The following NCOR2 variants were observed in gnomAD, a reference collection of about 807,000 sequenced individuals.
NCOR2 encodes the protein nuclear receptor corepressor 2.
In NCOR2, 81 loss-of-function variants were observed where a neutral mutation model predicts 262.9. That is an observed-to-expected ratio of 0.31 (90% CI 0.26 to 0.37). The LOEUF (loss-of-function observed/expected upper bound fraction) is 0.37, where lower values mean the gene tolerates loss of function less well. NCOR2 is among the 10% of genes least tolerant of loss of function. The pLI is 1.00. For missense variants in NCOR2, 3,385 were observed against 3,621.4 expected (o/e 0.93, Z 1.68); for synonymous variants, 1,659 against 1,559.3 (o/e 1.06, Z -1.51).
intron 11 of NCOR2, among the ~76,000 whole-genome samples, 171 bp downstream of exon 13, chr12:124,426,451 C>A (rs1028252204): frequency 1.3e-5 from 2 of 152,168 alleles, no homozygotes; most frequent in African/African-American, 4.8e-5. Flanking sequence ...ACCAACCCCA[C>A]GAAACACCAG....
At chr12:124,475,881 T>G (rs2047077423) in intron 3 of NCOR2, among the ~76,000 whole-genome samples, 1 of 152,084 alleles carries the variant, frequency 6.6e-6, no homozygotes, top group Admixed American at 6.5e-5. Flanking sequence ...ATGTGGGGAC[T>G]CCACGTGGGG....
At chr12:124,368,076 A>G (rs1331958117) in intron 20 of NCOR2, among the ~76,000 whole-genome samples, 1 of 152,182 alleles carries the variant, frequency 6.6e-6, no homozygotes, top group Non-Finnish European at 1.5e-5. Flanking sequence ...AGTTGCGAGC[A>G]AAGGCTCGGA....
rs202018365 is a variant in NCOR2, at chr12:124,378,347, G to A, written c.2057C>T (p.Ala686Val). Residue 686 changes from alanine (A) to valine (V), a missense_variant, in exon 18 of 47, where the codon GCG becomes GTG. Physicochemically the swap from Ala to Val is moderately conservative, Grantham distance 64. This residue lies in a region of NCOR2 where 515 missense variants were observed against 781.2 expected (regional missense o/e 0.66). Coordinates refer to ENST00000405201, the Ensembl canonical transcript of NCOR2. This position sits in a 1 kb window ranked among gnomAD's most constrained non-coding sequence, Gnocchi z 4.2. ...AGCCTCCTCGCTGGCCGCCGCCGGC[G>A]CTTTCTTCTTCTTCCTCCGCGCGTT... The A allele has an allele frequency of 1.9e-5, 30 of 1,613,688 alleles. No individual in the cohort carries two copies. Among genetic ancestry groups the A allele is most frequent in the Middle Eastern group, 1.7e-4 (1 of 6,056 alleles).
intron 1 of NCOR2, among the ~76,000 whole-genome samples, chr12:124,526,082 G>T (rs1259530905): frequency 6.6e-6 from 1 of 152,182 alleles, no homozygotes; most frequent in East Asian, 1.9e-4. Flanking sequence ...CCTGTTTGAA[G>T]CATGTACACA....
At chr12:124,415,556 C>T (rs892338830) in intron 13 of NCOR2, among the ~76,000 whole-genome samples, 2 of 152,248 alleles carry the variant, frequency 1.3e-5, no homozygotes, top group African/African-American at 2.4e-5. Context: ...CCTTAGCAAA[C>T]GCAGCTGATC....
At chr12:124,476,902 T>TAAAA (rs60593594) in intron 3 of NCOR2, among the ~76,000 whole-genome samples, 2 of 142,502 alleles carry the variant, frequency 1.4e-5, no homozygotes, top group East Asian at 4.1e-4. Context: ...CCATCTTTAT[T>TAAAA]AAAAAAAAAA....
intron 5 of NCOR2, among the ~76,000 whole-genome samples, chr12:124,461,214 G>A (rs984500206): frequency 7.9e-5 from 12 of 152,254 alleles, no homozygotes; most frequent in African/African-American, 2.7e-4. Context: ...TTTGGGGGCC[G>A]AGGTCTCTGC....
At chr12:124,347,062 A>C (rs2036991118) in intron 30 of NCOR2, among the ~76,000 whole-genome samples, 1 of 152,236 alleles carries the variant, frequency 6.6e-6, no homozygotes, top group South Asian at 2.1e-4. Flanking sequence ...CGGGAACACT[A>C]TGAAATCATG....
chr12:124,547,878 T>TA (rs1294249344), intron 1 of NCOR2, among the ~76,000 whole-genome samples: 1 of 152,208 alleles, frequency 6.6e-6, no homozygotes, highest in Non-Finnish European at 1.5e-5. Context: ...TATTCCATTG[T>TA]ATGGAGAGAC....
At chr12:124,442,842 A>G (rs759253941) in intron 7 of NCOR2, among the ~76,000 whole-genome samples, 3 of 152,210 alleles carry the variant, frequency 2.0e-5, no homozygotes, top group African/African-American at 7.2e-5. Context: ...CCCTAATCCA[A>G]TGACTTATGA....
chr12:124,481,472 C>A lies in NCOR2; in HGVS notation c.411+2124G>T, dbSNP rs1177641932. Among the ~76,000 whole-genome samples, 1 of 152,150 alleles carries A rather than the reference C, an allele frequency of 6.6e-6. No homozygotes were observed. Among genetic ancestry groups the A allele is most frequent in the African/African-American group, 2.4e-5 (1 of 41,432 alleles). ...AGTCCCCACAGGGCTAGCCACAGGT[C>A]TCCCCTGCCATGCAGGCCCTGGAGG... On this transcript the variant is annotated intron_variant, in intron 3 of 46. Transcript: ENST00000405201. This position sits in a 1 kb window ranked among gnomAD's most constrained non-coding sequence, Gnocchi z 4.6.
chr12:124,366,240 G>A (rs149916122), intron 20 of NCOR2, among the ~76,000 whole-genome samples: 201 of 152,226 alleles, frequency 1.3e-3, no homozygotes, highest in Non-Finnish European at 2.2e-3. Context: ...CTGTCCGCAC[G>A]ATGGAACACA....
intron 3 of NCOR2, among the ~76,000 whole-genome samples, chr12:124,479,250 A>C (rs986624736): frequency 6.6e-6 from 1 of 152,036 alleles, no homozygotes; most frequent in Non-Finnish European, 1.5e-5. Flanking sequence ...ATGCACACAC[A>C]CGCACACACA....
At chr12:124,468,165 CT>C (rs2046594358) in intron 4 of NCOR2, among the ~76,000 whole-genome samples, 2 of 37,316 alleles carry the variant, frequency 5.4e-5, no homozygotes, top group South Asian at 1.7e-3. Flanking sequence ...CCTCATCACC[CT>C]CTTCACCCTC....
chr12:124,390,969 G>A (rs1243802390), intron 16 of NCOR2, among the ~76,000 whole-genome samples: 1 of 152,252 alleles, frequency 6.6e-6, no homozygotes, highest in Non-Finnish European at 1.5e-5. Context: ...GTGGGTGCTT[G>A]GGGCCCCGCT....
Position 124,374,472 on chromosome 12 carries a change from A to C in NCOR2, c.2168-9T>G. The C allele has an allele frequency of 1.9e-6, 3 of 1,611,780 alleles. No individual in the cohort carries two copies. The highest frequency in any genetic ancestry group is 1.3e-5 in the African/African-American group (1 of 75,006). ...CCCAGAGGCATGTAAGGCTGGAAGG[A>C]AGTCAGAGAAGAGTTAGAAGTGAGG... On this transcript the variant is annotated splice_polypyrimidine_tract_variant and intron_variant, in intron 18 of 46. Transcript: ENST00000405201.
Position 124,504,927 on chromosome 12 carries a change from T to C in NCOR2, c.-117-9559A>G, listed in dbSNP as rs2048962908. 6.6e-6 allele frequency among the ~76,000 whole-genome samples: 1 copy of C among 152,114 alleles called. No individual in the cohort carries two copies. The highest frequency in any genetic ancestry group is 2.4e-5 in the African/African-American group (1 of 41,396). On this transcript the variant is annotated intron_variant, in intron 1 of 46. Transcript: ENST00000404621. This position sits in a 1 kb window ranked among gnomAD's most constrained non-coding sequence, Gnocchi z 4.5. Reference sequence around the variant, plus strand: ...GGTTTGGGGTTTCCTTCTGGGAGGATGAAACTGTTTTGGAATTAGACAGAG... The same window carrying C: ...GGTTTGGGGTTTCCTTCTGGGAGGACGAAACTGTTTTGGAATTAGACAGAG...
At chr12:124,511,452 G>A (rs1015555580) in intron 1 of NCOR2, among the ~76,000 whole-genome samples, 2 of 152,230 alleles carry the variant, frequency 1.3e-5, no homozygotes, top group Non-Finnish European at 2.9e-5. Context: ...CGGCAAACCT[G>A]GGGCTTGCTG....
chr12:124,363,681 T>TG lies in NCOR2; in HGVS notation c.2925dup (p.Ile976HisfsTer8). On this transcript the variant is annotated frameshift_variant, in exon 21 of 47. Transcript: ENST00000405201. LOFTEE classifies it high-confidence loss of function. Reference sequence around the variant, plus strand: ...GGGCTCTGGGGGTGGGCACTCACGATGGGGGGGATGGCAGCCGCTCGCTGC... The same window carrying TG: ...GGGCTCTGGGGGTGGGCACTCACGATGGGGGGGGATGGCAGCCGCTCGCTGC... The TG allele has an allele frequency of 2.4e-6, 3 of 1,275,074 alleles. No homozygotes were observed. The highest frequency in any genetic ancestry group is 2.0e-6 in the Non-Finnish European group (2 of 990,310). The allele number at this position is 1,275,074 out of a possible 1,614,324, so 79.0% of individuals were successfully genotyped here. A position where few individuals can be genotyped will look rare whatever the true frequency, so the allele number is the denominator to read the frequency against.
Sources: gnomAD v4.1 joint callset for allele counts (sites outside exome capture counted in the v4.1 genomes callset) on GRCh38, gnomAD v4.1.1 for gene constraint, gnomAD v4.1.1 regional missense constraint, Gnocchi (gnomAD v3.1) non-coding constraint, MANE v1.5 for transcripts, NCBI Gene and HGNC (gene_info 2026-07-23, HGNC 2026-07-21) for gene names.